TET1: variants seen among roughly 807,000 people sequenced by gnomAD.
TET1 encodes tet methylcytosine dioxygenase 1.
TET1 carries 13 observed loss-of-function variants against 148.7 expected under a neutral mutation model. The ratio of observed to expected loss-of-function variants is 0.09; its 90% CI spans 0.06 to 0.14. The LOEUF (loss-of-function observed/expected upper bound fraction) is 0.14, where lower values mean the gene tolerates loss of function less well. Among genes scored for constraint, TET1 ranks in the 10% least tolerant of loss-of-function variants. The probability of loss-of-function intolerance (pLI) is 1.00; values close to 1 mark genes in which losing one functional copy is unlikely to be tolerated. For missense variants in TET1, 2,182 were observed against 2,553.8 expected, an observed-to-expected ratio of 0.85 and a Z score of 3.14; for synonymous variants, 907 against 937.2, an observed-to-expected ratio of 0.97 and a Z score of 0.59.
intron 1 of TET1, among the ~76,000 whole-genome samples, chr10:68,567,717 A>C: frequency 6.6e-6 from 1 of 150,970 alleles, no homozygotes; most frequent in South Asian, 2.1e-4. Flanking sequence ...GTGCCATTGA[A>C]CTCCAGCCTG....
intron 6 of TET1, among the ~76,000 whole-genome samples, chr10:68,658,253 C>A (rs909495119): frequency 1.3e-5 from 2 of 151,720 alleles, no homozygotes; most frequent in African/African-American, 2.4e-5. Flanking sequence ...GCTCTGTTGC[C>A]CAGGCTTGAG....
intron 3 of TET1, among the ~76,000 whole-genome samples, chr10:68,624,658 T>TTCTCTCTC (rs201414722): frequency 1.0e-5 from 1 of 95,276 alleles, no homozygotes; most frequent in South Asian, 3.7e-4. Flanking sequence ...CTTTCTTTCT[T>TTCTCTCTC]TCTCTCTCTC....
intron 3 of TET1, among the ~76,000 whole-genome samples, chr10:68,610,709 G>A (rs879503766): frequency 6.6e-6 from 1 of 152,136 alleles, no homozygotes; most frequent in Non-Finnish European, 1.5e-5. Context: ...CCAGGCTAGA[G>A]TGTAGTGGTG....
chr10:68,657,216 G>A (rs564584800), intron 6 of TET1, among the ~76,000 whole-genome samples: 3 of 151,718 alleles, frequency 2.0e-5, no homozygotes, highest in East Asian at 1.9e-4. Context: ...TCGCTCTGTC[G>A]CCCAGGCTGG....
chr10:68,639,363 A>T (rs2054704050), intron 3 of TET1, among the ~76,000 whole-genome samples: 1 of 151,944 alleles, frequency 6.6e-6, no homozygotes, highest in South Asian at 2.1e-4. Flanking sequence ...CGGAGGTTGC[A>T]GTGAGCTGAG....
chr10:68,686,283 G>A (rs2055506938), intron 10 of TET1, 73 bp from the exon 11 acceptor site: 3 of 1,300,100 alleles, frequency 2.3e-6, no homozygotes, highest in Non-Finnish European at 3.2e-6. Flanking sequence ...GCAACAACAC[G>A]AAGGTAGGAA....
At chr10:68,571,975 G>T (rs1315301140) in intron 1 of TET1, among the ~76,000 whole-genome samples, 1 of 152,092 alleles carries the variant, frequency 6.6e-6, no homozygotes, top group African/African-American at 2.4e-5. Flanking sequence ...AAATTAGCCA[G>T]GTGTGATGGT....
chr10:68,638,445 T>G (rs149900624), intron 3 of TET1, among the ~76,000 whole-genome samples: 17 of 152,304 alleles, frequency 1.1e-4, no homozygotes, highest in Admixed American at 4.6e-4. Context: ...AATTGGATGT[T>G]GGTGAGTGGA....
At chr10:68,660,365 ATTTCACTC>A (rs1167589041) in intron 6 of TET1, among the ~76,000 whole-genome samples, 3 of 139,426 alleles carry the variant, frequency 2.2e-5, no homozygotes, top group African/African-American at 8.4e-5. Context: ...TTGAGATGGA[ATTTCACTC>A]TTGTTGCCCA....
chr10:68,665,249 A>G (rs183806606), intron 6 of TET1, among the ~76,000 whole-genome samples: 2 of 149,658 alleles, frequency 1.3e-5, no homozygotes, highest in African/African-American at 4.9e-5. Context: ...ATTTTCTTTC[A>G]TAAACTTTGG....
intron 3 of TET1, among the ~76,000 whole-genome samples, chr10:68,617,792 C>T (rs924017229): frequency 2.0e-5 from 3 of 152,148 alleles, no homozygotes; most frequent in African/African-American, 4.8e-5. Context: ...GTGATCCACC[C>T]GCCTCGACCT....
intron 2 of TET1, among the ~76,000 whole-genome samples, chr10:68,598,220 C>A (rs932797588): frequency 1.3e-4 from 20 of 152,142 alleles, no homozygotes; most frequent in Non-Finnish European, 2.5e-4. Context: ...GAAACCTCGT[C>A]TCCACCAAAA....
intron 10 of TET1, among the ~76,000 whole-genome samples, chr10:68,685,393 G>A (rs951178693): frequency 1.5e-4 from 23 of 152,028 alleles, no homozygotes; most frequent in African/African-American, 5.3e-4. Context: ...TTACAGCTCC[G>A]GGATATATGT....
chr10:68,652,496 C>T lies in TET1; in HGVS notation c.4368-5C>T. 1 of 1,600,932 alleles carries T rather than the reference C, an allele frequency of 6.2e-7. No homozygotes were observed. The highest frequency in any genetic ancestry group is 8.5e-7 in the Non-Finnish European group (1 of 1,173,180). On this transcript the variant is annotated splice_polypyrimidine_tract_variant and splice_region_variant and intron_variant, in intron 5 of 11. Coordinates refer to ENST00000373644, the MANE Select transcript of TET1 (RefSeq NM_030625.3). ...TACATTCCCTTCACTGTGTTTTATACTCAGGTATGGTCAAAAAGGAAACGC... is the reference window on the plus strand; with the variant it reads ...TACATTCCCTTCACTGTGTTTTATATTCAGGTATGGTCAAAAAGGAAACGC...
chr10:68,583,782 G>A (rs570575686), intron 2 of TET1, among the ~76,000 whole-genome samples: 2 of 151,974 alleles, frequency 1.3e-5, no homozygotes, highest in African/African-American at 2.4e-5. Flanking sequence ...ATGATGGCGC[G>A]TGTCTGTAGT....
At chr10:68,686,295 A>G in intron 10 of TET1, 61 bp from the exon 11 acceptor site, 1 of 1,397,486 alleles carries the variant, frequency 7.2e-7, no homozygotes, top group Non-Finnish European at 9.7e-7. Flanking sequence ...AGGTAGGAAT[A>G]GCCACAATGA....
intron 2 of TET1, among the ~76,000 whole-genome samples, chr10:68,585,499 A>G (rs1383887478): frequency 6.6e-6 from 1 of 152,196 alleles, no homozygotes; most frequent in Non-Finnish European, 1.5e-5. Context: ...CATATGATTT[A>G]GAAATCATAA....
At chr10:68,583,702 A>G (rs1321136857) in intron 2 of TET1, among the ~76,000 whole-genome samples, 1 of 152,100 alleles carries the variant, frequency 6.6e-6, no homozygotes, top group Non-Finnish European at 1.5e-5. Flanking sequence ...CATGACGTCA[A>G]GAGATCAAGA....
chr10:68,624,662 C>CTTTCTTTCTTTCTTTCTG (rs1564975112), intron 3 of TET1, among the ~76,000 whole-genome samples: 1 of 81,200 alleles, frequency 1.2e-5, no homozygotes. Flanking sequence ...CTTTCTTTCT[C>CTTTCTTTCTTTCTTTCTG]TCTCTCTCTC....
Sources: allele counts gnomAD v4.1 joint callset (sites outside exome capture counted in the v4.1 genomes callset), GRCh38; gene constraint gnomAD v4.1.1; transcripts MANE v1.5; gene names NCBI Gene and HGNC (gene_info 2026-07-23, HGNC 2026-07-21).